The following KCNB2 variants were observed in gnomAD, a reference collection of about 807,000 sequenced individuals.
KCNB2 encodes potassium voltage-gated channel subfamily B member 2.
KCNB2 carries 15 observed loss-of-function variants against 61.5 expected under a neutral mutation model. That is an observed-to-expected ratio of 0.24 (90% confidence interval 0.16 to 0.38). The LOEUF is 0.38. KCNB2 is among the 10% of genes least tolerant of loss of function. The pLI is 1.00. For missense variants in KCNB2, 828 were observed against 1,125.2 expected, an observed-to-expected ratio of 0.74 and a Z score of 3.78; for synonymous variants, 457 against 446.0, an observed-to-expected ratio of 1.02 and a Z score of -0.31.
chr8:72,624,926 A>C (rs1489219), intron 2 of KCNB2, among the ~76,000 whole-genome samples: 1 of 152,092 alleles, frequency 6.6e-6, no homozygotes, highest in African/African-American at 2.4e-5. Context: ...GTGGCCTCTT[A>C]GAGCTGAGGG....
At chr8:72,874,811 G>A (rs1407224265) in intron 2 of KCNB2, 3 of 152,252 alleles carry the variant, frequency 2.0e-5, no homozygotes. Context: ...CCTGGCACTT[G>A]AGAGCTTAAT....
At chr8:72,787,662 A>G (rs1808866058) in intron 2 of KCNB2, among the ~76,000 whole-genome samples, 1 of 152,110 alleles carries the variant, frequency 6.6e-6, no homozygotes, top group South Asian at 2.1e-4. Context: ...TTTCAGAGTA[A>G]AGTTTTGGAA....
At chr8:72,922,937 G>A (rs1297643731) in intron 2 of KCNB2, among the ~76,000 whole-genome samples, 1 of 151,894 alleles carries the variant, frequency 6.6e-6, no homozygotes, top group Non-Finnish European at 1.5e-5. Context: ...ATATGTTTTA[G>A]GGAGACATAA....
chr8:72,692,516 A>G (rs1470671762), intron 2 of KCNB2, among the ~76,000 whole-genome samples: 3 of 152,104 alleles, frequency 2.0e-5, no homozygotes, highest in South Asian at 2.1e-4. Flanking sequence ...TTCTCCTCCA[A>G]TGTTCTATAA....
intron 2 of KCNB2, among the ~76,000 whole-genome samples, chr8:72,772,472 C>T (rs773341217): frequency 1.3e-5 from 2 of 152,080 alleles, no homozygotes; most frequent in Non-Finnish European, 2.9e-5. Context: ...GGGGGTAGCT[C>T]CCTGAGTTTG....
chr8:72,727,722 A>G (rs951320788), intron 2 of KCNB2, among the ~76,000 whole-genome samples: 1 of 152,218 alleles, frequency 6.6e-6, no homozygotes, highest in South Asian at 2.1e-4. Flanking sequence ...ACACAAATTC[A>G]TAGTACAATA....
chr8:72,572,934 C>T (rs143042977), intron 2 of KCNB2, among the ~76,000 whole-genome samples: 6 of 152,242 alleles, frequency 3.9e-5, no homozygotes, highest in Non-Finnish European at 7.4e-5. Context: ...TGGTGCAGCG[C>T]GGCACCTGAA....
intron 2 of KCNB2, among the ~76,000 whole-genome samples, chr8:72,866,427 C>T (rs890201067): frequency 7.9e-5 from 12 of 152,194 alleles, no homozygotes; most frequent in African/African-American, 2.2e-4. Context: ...AGATTTATTT[C>T]GACCTCAGCT....
intron 2 of KCNB2, among the ~76,000 whole-genome samples, chr8:72,757,653 G>C (rs1046740448): frequency 3.3e-5 from 5 of 152,124 alleles, no homozygotes; most frequent in African/African-American, 1.2e-4. Flanking sequence ...GCGTGTGTGT[G>C]TGTGTGATCC....
intron 2 of KCNB2, among the ~76,000 whole-genome samples, chr8:72,695,240 C>T (rs1807000702): frequency 6.6e-6 from 1 of 152,094 alleles, no homozygotes; most frequent in Non-Finnish European, 1.5e-5. Flanking sequence ...CCCACTATTT[C>T]CTCCAGTTTG....
At position 72,670,646 on chromosome 8, in the gene KCNB2, A is replaced by G. The variant is rs569385454; in HGVS notation, c.579+102333A>G. Among the ~76,000 whole-genome samples, 7 of 152,282 alleles carry G rather than the reference A, an allele frequency of 4.6e-5. No individual in the cohort carries two copies. In the East Asian group the frequency reaches 1.4e-3, roughly 29 times the overall value. Reference sequence around the variant, plus strand: ...CAGTGTGATCAGATTAATATTCCAGAAGTAAGAGTGTCTGTAGAAATAAGT... The same window carrying G: ...CAGTGTGATCAGATTAATATTCCAGGAGTAAGAGTGTCTGTAGAAATAAGT... On this transcript the variant is annotated intron_variant, in intron 2 of 2. Transcript: ENST00000523207.
At chr8:72,835,043 C>G (rs1387098767) in intron 2 of KCNB2, among the ~76,000 whole-genome samples, 1 of 152,038 alleles carries the variant, frequency 6.6e-6, no homozygotes, top group South Asian at 2.1e-4. Flanking sequence ...AACAATTTTA[C>G]CTTTGTAGAG....
chr8:72,726,780 T>C (rs1394185000), intron 2 of KCNB2, among the ~76,000 whole-genome samples: 1 of 152,206 alleles, frequency 6.6e-6, no homozygotes, highest in East Asian at 1.9e-4. Flanking sequence ...TTGTTGGTTG[T>C]TGTTAATGAG....
chr8:72,684,684 T>C (rs1806821314), intron 2 of KCNB2, among the ~76,000 whole-genome samples: 1 of 152,170 alleles, frequency 6.6e-6, no homozygotes, highest in Non-Finnish European at 1.5e-5. Context: ...CTTGAATATG[T>C]TAGATTTAAA....
intron 2 of KCNB2, among the ~76,000 whole-genome samples, chr8:72,579,684 G>T (rs1429426861): frequency 6.6e-6 from 1 of 152,146 alleles, no homozygotes; most frequent in Non-Finnish European, 1.5e-5. Context: ...TAACTCTGGG[G>T]AAAGAGACTG....
At chr8:72,931,329 G>C (rs1389115818) in intron 2 of KCNB2, among the ~76,000 whole-genome samples, 2 of 152,112 alleles carry the variant, frequency 1.3e-5, no homozygotes, top group South Asian at 4.1e-4. Context: ...TTCCAATTCT[G>C]TGAAGAAAGT....
At chr8:72,920,441 ATATCTATCTATCTATC>A (rs568926581) in intron 2 of KCNB2, among the ~76,000 whole-genome samples, 1 of 105,202 alleles carries the variant, frequency 9.5e-6, no homozygotes, top group East Asian at 2.3e-4. Context: ...CCTCTCCACT[ATATCTATCTATCTATC>A]TATCTATCTA....
At chr8:72,782,370 G>A (rs73686515) in intron 2 of KCNB2, among the ~76,000 whole-genome samples, 4,142 of 151,990 alleles carry the variant, frequency 0.027, 128 homozygotes, top group African/African-American at 0.072. Context: ...TGTGTGTTCC[G>A]AGCTAGAGAA....
intron 2 of KCNB2, among the ~76,000 whole-genome samples, chr8:72,845,062 T>G (rs1809962462): frequency 1.3e-5 from 2 of 152,232 alleles, no homozygotes; most frequent in Admixed American, 1.3e-4. Context: ...TGGTTTTTCC[T>G]CATCTTCTTG....
Sources: gnomAD v4.1 joint callset for allele counts (sites outside exome capture counted in the v4.1 genomes callset) on GRCh38, gnomAD v4.1.1 for gene constraint, MANE v1.5 for transcripts, NCBI Gene and HGNC (gene_info 2026-07-23, HGNC 2026-07-21) for gene names.